Variants in MCTP1 observed in about 807,000 individuals in gnomAD.
MCTP1 encodes the protein multiple C2 and transmembrane domain-containing protein 1.
Under a neutral mutation model 120.6 loss-of-function variants are expected in MCTP1, and 69 were observed. That is an observed-to-expected ratio of 0.57 (90% CI 0.47 to 0.70). The LOEUF is 0.70. Ranked by LOEUF, MCTP1 falls within the 30% of genes least tolerant of loss-of-function variation. MCTP1 has a pLI of 0.00. For synonymous variants in MCTP1, 529 were observed against 493.1 expected (o/e 1.07, Z -0.96); for missense variants, 1,203 against 1,248.8 (o/e 0.96, Z 0.55).
chr5:95,126,103 A>G (rs1447149037), intron 1 of MCTP1, among the ~76,000 whole-genome samples: 1 of 152,184 alleles, frequency 6.6e-6, no homozygotes, highest in Non-Finnish European at 1.5e-5. Flanking sequence ...TATGTGCTAG[A>G]GCTATGGGGG....
At chr5:94,798,101 T>TG (rs2153014068) in intron 18 of MCTP1, among the ~76,000 whole-genome samples, 1 of 148,258 alleles carries the variant, frequency 6.7e-6, no homozygotes, top group African/African-American at 2.5e-5. Flanking sequence ...TCCTTGATGG[T>TG]AAAAAAAAAA....
intron 1 of MCTP1, among the ~76,000 whole-genome samples, chr5:95,246,648 C>T (rs1028966314): frequency 2.0e-5 from 3 of 152,036 alleles, no homozygotes; most frequent in Non-Finnish European, 2.9e-5. Context: ...ACAGGAGCAC[C>T]CAGATTCATA....
chr5:94,947,949 C>T (rs546623345), intron 3 of MCTP1, among the ~76,000 whole-genome samples: 2 of 151,984 alleles, frequency 1.3e-5, no homozygotes, highest in South Asian at 2.1e-4. Context: ...TCTTTAAAGG[C>T]CTAACCCATC....
intron 1 of MCTP1, among the ~76,000 whole-genome samples, chr5:95,165,326 C>T (rs1423091748): frequency 1.3e-5 from 2 of 152,100 alleles, no homozygotes; most frequent in African/African-American, 4.8e-5. Context: ...AGAGATAAAC[C>T]ACCAAATTTA....
intron 12 of MCTP1, among the ~76,000 whole-genome samples, chr5:94,879,195 G>A (rs1012879879): frequency 6.6e-6 from 1 of 152,240 alleles, no homozygotes; most frequent in Admixed American, 6.6e-5. Flanking sequence ...GGTGTATACT[G>A]TGTGAAATGG....
chr5:94,720,255 AAAAAT>A (rs1215282743), intron 19 of MCTP1, among the ~76,000 whole-genome samples: 11 of 152,056 alleles, frequency 7.2e-5, no homozygotes, highest in Admixed American at 3.9e-4. Flanking sequence ...TAAACATACA[AAAAAT>A]AAAATAAATT....
intron 18 of MCTP1, among the ~76,000 whole-genome samples, chr5:94,783,422 A>C (rs1580668670): frequency 6.6e-6 from 1 of 152,142 alleles, no homozygotes; most frequent in Admixed American, 6.5e-5. Flanking sequence ...CAAGACTTCT[A>C]ATTGTAATCC....
chr5:95,039,890 A>T (rs1842033085), intron 1 of MCTP1, among the ~76,000 whole-genome samples: 1 of 150,916 alleles, frequency 6.6e-6, no homozygotes, highest in East Asian at 1.9e-4. Flanking sequence ...AAAAAAAAAA[A>T]AAAAAAAAAA....
intron 7 of MCTP1, among the ~76,000 whole-genome samples, chr5:94,920,186 C>T (rs938937553): frequency 2.6e-5 from 4 of 151,218 alleles, no homozygotes; most frequent in South Asian, 4.2e-4. Flanking sequence ...ATATTGTAAT[C>T]GTTTTGGCTT....
intron 7 of MCTP1, among the ~76,000 whole-genome samples, chr5:94,922,779 G>A (rs1042566129): frequency 1.3e-5 from 2 of 152,168 alleles, no homozygotes; most frequent in South Asian, 2.1e-4. Flanking sequence ...TGAGCCACCA[G>A]GCCCGGCCAG....
chr5:94,835,296 AC>A (rs767882347), intron 17 of MCTP1, among the ~76,000 whole-genome samples: 3 of 152,240 alleles, frequency 2.0e-5, no homozygotes, highest in Non-Finnish European at 4.4e-5. Context: ...TCAGTTATAA[AC>A]CCTTTTCTTG....
intron 19 of MCTP1, among the ~76,000 whole-genome samples, chr5:94,747,444 A>G (rs1767171971): frequency 1.3e-5 from 2 of 152,118 alleles, no homozygotes; most frequent in Admixed American, 1.3e-4. Flanking sequence ...TTTTCTGTAA[A>G]GGGCTAAATA....
intron 2 of MCTP1, among the ~76,000 whole-genome samples, chr5:94,967,762 G>C (rs573165496): frequency 2.0e-5 from 3 of 152,294 alleles, no homozygotes; most frequent in African/African-American, 7.2e-5. Context: ...AGGGTGACCT[G>C]GTTTAAAAGT....
intron 9 of MCTP1, among the ~76,000 whole-genome samples, chr5:94,910,209 CAT>C (rs1390350484): frequency 6.6e-6 from 1 of 150,806 alleles, no homozygotes; most frequent in South Asian, 2.1e-4. Context: ...TGTATATATA[CAT>C]ATATGTGTAT....
chr5:95,062,754 A>ATCC (rs1338760747), intron 1 of MCTP1, among the ~76,000 whole-genome samples: 1 of 152,174 alleles, frequency 6.6e-6, no homozygotes, highest in Admixed American at 6.5e-5. Context: ...TTATCCAGAC[A>ATCC]ATGTTTTCTT....
chr5:95,149,298 G>A (rs1405049080), intron 1 of MCTP1, among the ~76,000 whole-genome samples: 4 of 152,140 alleles, frequency 2.6e-5, no homozygotes, highest in East Asian at 1.9e-4. Flanking sequence ...CAATGAACTC[G>A]GGTGTCTCAC....
At chr5:95,046,654 TAGG>T (rs995898162) in intron 1 of MCTP1, among the ~76,000 whole-genome samples, 8 of 152,166 alleles carry the variant, frequency 5.3e-5, no homozygotes, top group Non-Finnish European at 1.0e-4. Context: ...ACAGAGTCAC[TAGG>T]AGAAGACTTC....
chr5:94,950,854 G>T (rs773598354), intron 3 of MCTP1, among the ~76,000 whole-genome samples: 1 of 151,686 alleles, frequency 6.6e-6, no homozygotes, highest in Non-Finnish European at 1.5e-5. Context: ...CTCAGAGGCA[G>T]GAGAAAGGCG....
chr5:95,060,491 T>C (rs966225390), intron 1 of MCTP1, among the ~76,000 whole-genome samples: 1 of 152,074 alleles, frequency 6.6e-6, no homozygotes, highest in African/African-American at 2.4e-5. Context: ...CTTCTAAACT[T>C]GAGAAGATGA....
Sources: allele counts gnomAD v4.1 joint callset (sites outside exome capture counted in the v4.1 genomes callset), GRCh38; gene constraint gnomAD v4.1.1; transcripts MANE v1.5; gene names NCBI Gene and HGNC (gene_info 2026-07-23, HGNC 2026-07-21).